The following IGF1R variants were observed in gnomAD, a reference collection of about 807,000 sequenced individuals.
The protein encoded by IGF1R is insulin like growth factor 1 receptor.
A neutral mutation model predicts 144.6 loss-of-function variants in IGF1R; 44 were observed. That is an observed-to-expected ratio of 0.30 (90% CI 0.24 to 0.39). IGF1R has a LOEUF of 0.39. Ranked by LOEUF, IGF1R falls within the 10% of genes least tolerant of loss-of-function variation. The pLI, the probability that IGF1R is intolerant of heterozygous loss-of-function variation, is 1.00. For synonymous variants in IGF1R, 795 were observed against 722.8 expected (o/e 1.10, Z -1.60); for missense variants, 1,355 against 1,833.7 (o/e 0.74, Z 4.77).
chr15:98,790,142 A>G (rs2056095636), intron 2 of IGF1R, among the ~76,000 whole-genome samples: 1 of 152,016 alleles, frequency 6.6e-6, no homozygotes, highest in African/African-American at 2.4e-5. Context: ...AATGGAGGAG[A>G]TGGGCTTGGT....
intron 2 of IGF1R, among the ~76,000 whole-genome samples, chr15:98,881,860 A>C (rs1308025157): frequency 6.6e-6 from 1 of 152,212 alleles, no homozygotes; most frequent in African/African-American, 2.4e-5. Context: ...TGAGATGCTT[A>C]ATGTGTTGTA....
chr15:98,718,603 G>T (rs1056476950), intron 2 of IGF1R, among the ~76,000 whole-genome samples: 1 of 152,214 alleles, frequency 6.6e-6, no homozygotes, highest in Non-Finnish European at 1.5e-5. Flanking sequence ...GCTGCAGTGC[G>T]CATACATCTG....
chr15:98,723,594 C>T (rs997482345), intron 2 of IGF1R, among the ~76,000 whole-genome samples: 1 of 152,084 alleles, frequency 6.6e-6, no homozygotes, highest in Non-Finnish European at 1.5e-5. Context: ...ATTTTTCTGC[C>T]TGTTAATAGA....
In IGF1R at chr15:98,649,525, C is replaced by CTTTTTTTTT. The variant is rs544674838; in HGVS notation, c.-41_-33dup. Reference sequence around the variant, plus strand: ...TCATTTCCTTTTTTTCTTTTCTTTTCTTTTTTTTTTTTTTTTTTTTTTTTG... The same window carrying CTTTTTTTTT: ...TCATTTCCTTTTTTTCTTTTCTTTTCTTTTTTTTTTTTTTTTTTTTTTTTTTTTTTTTTG... On this transcript the variant is annotated 5_prime_UTR_variant, in exon 1 of 21. Coordinates refer to ENST00000650285, the MANE Select transcript of IGF1R (RefSeq NM_000875.5). 198 of 726,178 alleles carry CTTTTTTTTT rather than the reference C, an allele frequency of 2.7e-4. 3 individuals carry two copies. Among genetic ancestry groups the CTTTTTTTTT allele is most frequent in the South Asian group, 1.0e-3 (59 of 56,198 alleles). 45.0% of individuals were successfully genotyped at this position (726,178 alleles called of 1,614,324 possible).
In IGF1R at chr15:98,942,939, A is replaced by G; in HGVS notation, c.3474A>G (p.Arg1158=). The G allele has an allele frequency of 6.2e-7, 1 of 1,614,170 alleles. No individual in the cohort carries two copies. Among genetic ancestry groups the G allele is most frequent in the Non-Finnish European group, 8.5e-7 (1 of 1,180,018 alleles). Residue 1158 remains arginine, a synonymous_variant, in exon 19 of 21, where the codon CGA becomes CGG. Coordinates refer to ENST00000650285, the MANE Select transcript of IGF1R (RefSeq NM_000875.5). ...TVKIGDFGMT[R]DIYETDYYRK... is the part of the protein sequence containing the mutation. ...CCCTTACAGATTTTGGTATGACGCG[A>G]GATATCTATGAGACAGACTATTACC...
At chr15:98,712,361 A>T (rs1260272946) in intron 2 of IGF1R, among the ~76,000 whole-genome samples, 2 of 151,308 alleles carry the variant, frequency 1.3e-5, no homozygotes, top group African/African-American at 4.9e-5. Context: ...ACTTTTGCCT[A>T]TTTTTTTTCT....
intron 2 of IGF1R, among the ~76,000 whole-genome samples, chr15:98,880,241 CT>C (rs751957358): frequency 7.9e-5 from 12 of 152,300 alleles, no homozygotes; most frequent in South Asian, 2.1e-4. Flanking sequence ...CCTTCTCAGC[CT>C]TTGTGTTAAT....
At chr15:98,934,642 A>G (rs182198059) in intron 15 of IGF1R, among the ~76,000 whole-genome samples, 182 bp from the exon 16 acceptor site, 273 of 152,290 alleles carry the variant, frequency 1.8e-3, no homozygotes, top group African/African-American at 6.0e-3. Flanking sequence ...CTGACTGTAC[A>G]GTTTTCTTAC....
At chr15:98,695,106 A>T (rs1340202971) in intron 1 of IGF1R, among the ~76,000 whole-genome samples, 1 of 152,206 alleles carries the variant, frequency 6.6e-6, no homozygotes. Flanking sequence ...GAACAAAAAC[A>T]AGAATTTGAT....
chr15:98,675,966 C>A (rs1207904192), intron 1 of IGF1R, among the ~76,000 whole-genome samples: 1 of 151,674 alleles, frequency 6.6e-6, no homozygotes, highest in African/African-American at 2.4e-5. Context: ...GCTGGGATTA[C>A]AGGCGTGCGC....
chr15:98,708,166 T>C, intron 2 of IGF1R, 59 bp downstream of exon 2: 2 of 1,427,550 alleles, frequency 1.4e-6, no homozygotes, highest in Non-Finnish European at 2.0e-6. Context: ...TCCTCCTCCT[T>C]GACCTCCCTT....
chr15:98,843,395 A>G (rs746623411), intron 2 of IGF1R, among the ~76,000 whole-genome samples: 19 of 152,336 alleles, frequency 1.2e-4, no homozygotes, highest in Non-Finnish European at 2.4e-4. Context: ...AGGAAGCCTC[A>G]GAGATGATAC....
Position 98,962,162 on chromosome 15 carries a change from T to C in IGF1R, c.*4720T>C, listed in dbSNP as rs2017251929. On this transcript the variant is annotated 3_prime_UTR_variant, in exon 21 of 21. Coordinates refer to ENST00000650285, the MANE Select transcript of IGF1R (RefSeq NM_000875.5). ...TGAGAAGGCTAGGATGCTTGTCTAG[T>C]GTTCTTAGCTGTCACGTTGGCTCCT... The C allele has an allele frequency of 4.3e-6, 1 of 233,164 alleles. No individual in the cohort carries two copies. Among genetic ancestry groups the C allele is most frequent in the Non-Finnish European group, 8.5e-6 (1 of 118,052 alleles). 14.4% of individuals were successfully genotyped at this position (233,164 alleles called of 1,614,324 possible).
Position 98,896,790 on chromosome 15 carries a change from G to C in IGF1R, c.987G>C (p.Pro329=), listed in dbSNP as rs370254377. The change falls in exon 4 of 21, where the codon CCG becomes CCC. Residue 329 remains proline, a synonymous_variant. Coordinates refer to ENST00000650285, the MANE Select transcript of IGF1R (RefSeq NM_000875.5). Reference sequence around the variant, plus strand: ...GCATCCCTTGTGAAGGTCCTTGCCCGAAGGTCTGTGAGGAAGAAAAGAAAA... The same window carrying C: ...GCATCCCTTGTGAAGGTCCTTGCCCCAAGGTCTGTGAGGAAGAAAAGAAAA... ...MYCIPCEGPC[P]KVCEEEKKTK... is the part of the protein sequence containing the mutation. The C allele has an allele frequency of 1.2e-6, 2 of 1,613,666 alleles. No individual in the cohort carries two copies. Among genetic ancestry groups the C allele is most frequent in the South Asian group, 1.1e-5 (1 of 91,082 alleles).
intron 1 of IGF1R, chr15:98,651,085 A>G: frequency 1.0e-6 from 1 of 984,992 alleles, no homozygotes; most frequent in Non-Finnish European, 1.2e-6. Context: ...CGTGTTGGTG[A>G]GTAATGGTTG....
chr15:98,937,087 T>C (rs1249588851), intron 17 of IGF1R, among the ~76,000 whole-genome samples: 2 of 152,142 alleles, frequency 1.3e-5, no homozygotes, highest in Non-Finnish European at 2.9e-5. Context: ...GGTTTCACCA[T>C]GTTGGCCAGG....
chr15:98,872,497 G>T (rs2012835758), intron 2 of IGF1R, among the ~76,000 whole-genome samples: 1 of 152,184 alleles, frequency 6.6e-6, no homozygotes, highest in Non-Finnish European at 1.5e-5. Flanking sequence ...GCAGAGTCAG[G>T]ACTAGAAGTT....
intron 2 of IGF1R, among the ~76,000 whole-genome samples, chr15:98,763,375 A>G (rs748993460): frequency 2.0e-5 from 3 of 152,060 alleles, no homozygotes; most frequent in Non-Finnish European, 4.4e-5. Context: ...GAGGGTTGCA[A>G]ATGACCTGGA....
rs546176567 is a variant in IGF1R, at chr15:98,660,795, A to G, written c.94+11120A>G. Reference sequence around the variant, plus strand: ...TCCCTGTGGATGGAGACTTTGTTCCATAAGTTCCCTATAGATAAGATGTAA... The same window carrying G: ...TCCCTGTGGATGGAGACTTTGTTCCGTAAGTTCCCTATAGATAAGATGTAA... On this transcript the variant is annotated intron_variant, in intron 1 of 20. Transcript: ENST00000650285. 8.5e-5 allele frequency: 13 copies of G among 152,332 alleles called. 4 individuals carry two copies. Among genetic ancestry groups the G allele is most frequent in the African/African-American group, 2.9e-4 (12 of 41,574 alleles). The allele number at this position is 152,332 out of a possible 1,614,324, so 9.4% of individuals were successfully genotyped here. A position where few individuals can be genotyped will look rare whatever the true frequency, so the allele number is the denominator to read the frequency against.
Sources: allele counts gnomAD v4.1 joint callset (sites outside exome capture counted in the v4.1 genomes callset), GRCh38; gene constraint gnomAD v4.1.1; transcripts MANE v1.5; gene names NCBI Gene and HGNC (gene_info 2026-07-23, HGNC 2026-07-21).